Variants in CHST15 observed in about 807,000 individuals in gnomAD.
CHST15 encodes the protein carbohydrate sulfotransferase 15, also known as B cell RAG associated protein (GALNAC4S-6ST).
CHST15 carries 30 observed loss-of-function variants against 53.6 expected under a neutral mutation model. The ratio of observed to expected loss-of-function variants is 0.56; its 90% CI spans 0.42 to 0.76. CHST15 has a LOEUF of 0.76. Among genes scored for constraint, CHST15 ranks in the 30% least tolerant of loss-of-function variants. The pLI, the probability that CHST15 is intolerant of heterozygous loss-of-function variation, is 0.00. For missense variants in CHST15, 627 were observed against 740.5 expected, an observed-to-expected ratio of 0.85 and a Z score of 1.78; for synonymous variants, 296 against 289.8, an observed-to-expected ratio of 1.02 and a Z score of -0.22.
intron 1 of CHST15, among the ~76,000 whole-genome samples, chr10:124,051,133 G>A (rs553504316): frequency 2.0e-4 from 30 of 152,148 alleles, no homozygotes; most frequent in Admixed American, 7.9e-4. Flanking sequence ...AATAGAGACG[G>A]AGTTTCACCA....
chr10:124,027,886 C>T (rs1368874400), intron 5 of CHST15, among the ~76,000 whole-genome samples: 2 of 152,192 alleles, frequency 1.3e-5, no homozygotes, highest in Admixed American at 6.5e-5. Context: ...CCCTGCCCTC[C>T]GAGCTTAGGC....
At chr10:124,017,565 A>G (rs1405388971) in intron 6 of CHST15, among the ~76,000 whole-genome samples, 4 of 152,174 alleles carry the variant, frequency 2.6e-5, no homozygotes, top group Non-Finnish European at 1.5e-5. Context: ...ACAACTGGTC[A>G]CAGCACCGTC....
At chr10:124,033,847 G>A (rs1245842890) in intron 5 of CHST15, among the ~76,000 whole-genome samples, 1 of 152,206 alleles carries the variant, frequency 6.6e-6, no homozygotes. Flanking sequence ...ACAGCCTCAT[G>A]AGAGACCTTA....
At chr10:124,018,767 G>C (rs78070176) in intron 6 of CHST15, among the ~76,000 whole-genome samples, 335 of 152,314 alleles carry the variant, frequency 2.2e-3, no homozygotes, top group African/African-American at 7.8e-3. Context: ...GGTGAGAAGG[G>C]GTCTGGGGAG....
Position 124,012,430 on chromosome 10 carries a change from G to A in CHST15, c.1398C>T (p.Ser466=), listed in dbSNP as rs994991620. The change falls in exon 7 of 8, where the codon AGC becomes AGT. Residue 466 remains serine (S), a synonymous_variant. Transcript: ENST00000435907. ...TGAGAAACTGTTGCTTGTCAAAAAC[G>A]CTGAGCCAGTCCAGAAGGTACACAG... ...LYAVYLLDWL[S]VFDKQQFLIL... The A allele has an allele frequency of 2.5e-6, 4 of 1,613,996 alleles. No individual in the cohort carries two copies. Among genetic ancestry groups the A allele is most frequent in the African/African-American group, 1.3e-5 (1 of 74,888 alleles).
chr10:124,024,874 G>A lies in CHST15; in HGVS notation c.1191-3462C>T, dbSNP rs1946936250. Among the ~76,000 whole-genome samples the A allele has an allele frequency of 1.3e-5, 2 of 152,150 alleles. No homozygotes were observed. Among genetic ancestry groups the A allele is most frequent in the African/African-American group, 2.4e-5 (1 of 41,418 alleles). ...TCCTATGAGTCCTGTCAATAATATG[G>A]CTCAGCCCAAGAAACTACGTCAATG... On this transcript the variant is annotated intron_variant, in intron 5 of 7. Coordinates refer to ENST00000435907, the MANE Select transcript of CHST15 (RefSeq NM_001270764.2). The surrounding 1 kb of genome is among the most constrained non-coding windows in gnomAD (Gnocchi z 4.0).
intron 1 of CHST15, among the ~76,000 whole-genome samples, chr10:124,053,123 A>G (rs1194348106): frequency 6.6e-6 from 1 of 152,180 alleles, no homozygotes; most frequent in African/African-American, 2.4e-5. Flanking sequence ...GGAATTTGAT[A>G]GTCATTTATT....
At chr10:124,070,824 C>A (rs1239457164) in intron 1 of CHST15, among the ~76,000 whole-genome samples, 2 of 152,172 alleles carry the variant, frequency 1.3e-5, no homozygotes, top group African/African-American at 4.8e-5. Flanking sequence ...GGGCAGATGA[C>A]CTCAGACGGG....
chr10:124,013,762 C>G (rs1305696787), intron 6 of CHST15, among the ~76,000 whole-genome samples: 1 of 152,206 alleles, frequency 6.6e-6, no homozygotes, highest in Non-Finnish European at 1.5e-5. Context: ...GTGAGGCCCC[C>G]TTCTCCAGGG....
intron 1 of CHST15, among the ~76,000 whole-genome samples, chr10:124,063,630 G>C (rs944681855): frequency 1.3e-5 from 2 of 151,966 alleles, no homozygotes; most frequent in African/African-American, 4.8e-5. Flanking sequence ...TAAAAGTGTT[G>C]ATGGGGCATG....
chr10:124,019,965 G>A lies in CHST15; in HGVS notation c.1347+1291C>T. On this transcript the variant is annotated intron_variant, in intron 6 of 7. Transcript: ENST00000435907. This position sits in a 1 kb window ranked among gnomAD's most constrained non-coding sequence, Gnocchi z 4.6. The stretch of plus-strand genomic sequence containing the variant: ...AGTTCCCTGGCCAACTCTCCTTCAG[G>A]CCTCAGCACAGACATTCCCTCTCCT... 1.0e-6 allele frequency: 1 copy of A among 985,728 alleles called. No homozygotes were observed. The highest frequency in any genetic ancestry group is 1.2e-6 in the Non-Finnish European group (1 of 830,206). 61.1% of individuals were successfully genotyped at this position (985,728 alleles called of 1,614,324 possible).
At position 124,019,827 on chromosome 10, in the gene CHST15, G is replaced by A. The variant is rs961298353; in HGVS notation, c.1347+1429C>T. ...TAGACCAGGTGGTGCGGCCCCATGT[G>A]CCACGCACCCAAGCCCCCTGCCTCA... On this transcript the variant is annotated intron_variant, in intron 6 of 7. Transcript: ENST00000435907. This position sits in a 1 kb window ranked among gnomAD's most constrained non-coding sequence, Gnocchi z 4.6. 4 of 985,554 alleles carry A rather than the reference G, an allele frequency of 4.1e-6. No homozygotes were observed. The highest frequency in any genetic ancestry group is 4.8e-6 in the Non-Finnish European group (4 of 830,142). 61.1% of individuals were successfully genotyped at this position (985,554 alleles called of 1,614,324 possible).
chr10:124,020,003 G>A, intron 6 of CHST15: 1 of 985,664 alleles, frequency 1.0e-6, no homozygotes, highest in Non-Finnish European at 1.2e-6. Context: ...GAACCTGCCT[G>A]AAGCCCCGTT....
At chr10:124,031,210 C>T (rs1456655307) in intron 5 of CHST15, among the ~76,000 whole-genome samples, 1 of 152,234 alleles carries the variant, frequency 6.6e-6, no homozygotes, top group Non-Finnish European at 1.5e-5. Context: ...TGGCCCTACT[C>T]CCTCAACTAG....
intron 6 of CHST15, among the ~76,000 whole-genome samples, chr10:124,016,998 C>T (rs1455244441): frequency 6.6e-6 from 1 of 152,194 alleles, no homozygotes; most frequent in East Asian, 1.9e-4. Flanking sequence ...CACACCCTCC[C>T]TTCTGTGTGG....
At chr10:124,044,557 G>T in intron 3 of CHST15, 23 bp downstream of exon 3, 1 of 1,468,484 alleles carries the variant, frequency 6.8e-7, no homozygotes, top group East Asian at 2.5e-5. Flanking sequence ...GACCAGACAG[G>T]AGCCCTGGGA....
intron 1 of CHST15, among the ~76,000 whole-genome samples, chr10:124,063,072 A>T (rs1475362112): frequency 1.3e-5 from 2 of 152,088 alleles, no homozygotes; most frequent in Non-Finnish European, 2.9e-5. Context: ...AGATCCAGAC[A>T]AGAAACTAAT....
At chr10:124,087,692 C>T (rs1249810138) in intron 1 of CHST15, among the ~76,000 whole-genome samples, 1 of 152,204 alleles carries the variant, frequency 6.6e-6, no homozygotes, top group Non-Finnish European at 1.5e-5. Context: ...GAGAGCCTGC[C>T]GAAGCCAGGA....
At position 124,069,376 on chromosome 10, in the gene CHST15, C is replaced by A. The variant is rs866312951; in HGVS notation, c.-512-22652G>T. 1.9e-4 allele frequency among the ~76,000 whole-genome samples: 29 copies of A among 150,762 alleles called. No individual in the cohort carries two copies. The South Asian group carries it at 5.7e-3, about 30-fold the overall frequency. On this transcript the variant is annotated intron_variant, in intron 1 of 7. Coordinates refer to ENST00000435907, the MANE Select transcript of CHST15 (RefSeq NM_001270764.2). The stretch of plus-strand genomic sequence containing the variant: ...CCCTGTTGTTTGGGGGACCCCCCCC[C>A]CAACTATTGGTGATATGGCACAGAT...
Sources: allele counts gnomAD v4.1 joint callset (sites outside exome capture counted in the v4.1 genomes callset), GRCh38; gene constraint gnomAD v4.1.1; non-coding constraint Gnocchi (gnomAD v3.1); transcripts MANE v1.5; gene names NCBI Gene and HGNC (gene_info 2026-07-23, HGNC 2026-07-21).